The following UGGT1 variants were observed in gnomAD, a reference collection of about 807,000 sequenced individuals.
The protein encoded by UGGT1 is UDP-glucose glycoprotein glucosyltransferase 1.
In UGGT1, 107 loss-of-function variants were observed where a neutral mutation model predicts 203.9. The ratio of observed to expected loss-of-function variants is 0.52; its 90% CI spans 0.45 to 0.62. UGGT1 has a LOEUF of 0.62. Among genes scored for constraint, UGGT1 ranks in the 20% least tolerant of loss-of-function variants. The pLI is 0.00. For missense variants in UGGT1, 1,673 were observed against 1,867.2 expected (o/e 0.90, Z 1.92); for synonymous variants, 628 against 653.5 (o/e 0.96, Z 0.59).
At chr2:128,145,381 A>G (rs1199480447) in intron 17 of UGGT1, among the ~76,000 whole-genome samples, 1 of 152,212 alleles carries the variant, frequency 6.6e-6, no homozygotes. Flanking sequence ...TGACTACTGC[A>G]TTGGACAGCA....
At chr2:128,134,128 C>G (rs901726843) in intron 14 of UGGT1, among the ~76,000 whole-genome samples, 6 of 152,186 alleles carry the variant, frequency 3.9e-5, no homozygotes, top group Admixed American at 1.3e-4. Context: ...CCTCTGCCCC[C>G]TGGGGTTCAA....
chr2:128,107,954 C>T lies in UGGT1; in HGVS notation c.294C>T (p.Tyr98=). The T allele has an allele frequency of 6.2e-7, 1 of 1,614,188 alleles. No individual in the cohort carries two copies. The highest frequency in any genetic ancestry group is 8.5e-7 in the Non-Finnish European group (1 of 1,180,030). ...SSDHDGTDYS[Y]YHAILEAAFQ... is the part of the protein sequence containing the mutation. ...CCTTGACAGGTACCGATTATTCCTA[C>T]TATCATGCAATATTGGAGGCTGCAT... Residue 98 remains tyrosine, a synonymous_variant, in exon 4 of 41, where the codon TAC becomes TAT. Coordinates refer to ENST00000259253, the MANE Select transcript of UGGT1 (RefSeq NM_020120.4).
intron 5 of UGGT1, among the ~76,000 whole-genome samples, chr2:128,110,850 C>T (rs1052767928): frequency 6.6e-6 from 1 of 152,230 alleles, no homozygotes; most frequent in Admixed American, 6.5e-5. Context: ...TGGTAATTTA[C>T]CTCTTACCGA....
In UGGT1 at chr2:128,161,248, G is replaced by A. The variant is rs1424972846; in HGVS notation, c.2805G>A (p.Gln935=). The A allele has an allele frequency of 1.7e-5, 28 of 1,613,654 alleles. No homozygotes were observed. The Admixed American group carries it at 4.7e-4, about 27-fold the overall frequency. Residue 935 remains glutamine, a synonymous_variant, in exon 25 of 41, where the codon CAG becomes CAA. Transcript: ENST00000259253. The part of the protein sequence containing the change: ...SGQKIKSHIQ[Q]LRVEEDVASD... ...AGAAAATAAAATCTCATATTCAACA[G>A]CTTCGGGTAGAAGAAGATGTGTAAG...
At chr2:128,160,217 A>G (rs1266584281) in intron 23 of UGGT1, among the ~76,000 whole-genome samples, 1 of 152,232 alleles carries the variant, frequency 6.6e-6, no homozygotes, top group Non-Finnish European at 1.5e-5. Context: ...AATGCAGAGT[A>G]AAGGAATGAT....
At position 128,190,309 on chromosome 2, in the gene UGGT1, T is replaced by C. The variant is rs1354716358; in HGVS notation, c.*567T>C. 6.6e-6 allele frequency: 1 copy of C among 152,428 alleles called. No homozygotes were observed. Among genetic ancestry groups the C allele is most frequent in the Non-Finnish European group, 1.5e-5 (1 of 68,240 alleles). The allele number at this position is 152,428 out of a possible 1,614,324, so 9.4% of individuals were successfully genotyped here. On this transcript the variant is annotated 3_prime_UTR_variant, in exon 41 of 41. Coordinates refer to ENST00000259253, the MANE Select transcript of UGGT1 (RefSeq NM_020120.4). The stretch of plus-strand genomic sequence containing the variant: ...TTGAAATCCAACCAACAATTGTGTG[T>C]CAAGGCTGGTTTGGTGCAGTGGCTG...
chr2:128,171,266 C>G lies in UGGT1; in HGVS notation c.3086C>G (p.Ser1029Cys), dbSNP rs374565408. ...RVFMNCQSKL[S>C]DMPLKSFYRY... ...TTTATGAACTGCCAATCCAAACTTT[C>G]TGACATGCCTTTAAAAAGGTAAAAC... Residue 1029 changes from serine to cysteine, a missense_variant, in exon 28 of 41, where the codon TCT (serine) becomes TGT (cysteine). Ser to Cys is a moderately radical substitution (Grantham distance 112). Transcript: ENST00000259253. 12 of 1,613,262 alleles carry G rather than the reference C, an allele frequency of 7.4e-6. No homozygotes were observed. In the African/African-American group the frequency reaches 1.5e-4, roughly 20 times the overall value.
intron 31 of UGGT1, among the ~76,000 whole-genome samples, chr2:128,175,932 T>C (rs1192563604): frequency 6.6e-6 from 1 of 152,272 alleles, no homozygotes; most frequent in Non-Finnish European, 1.5e-5. Flanking sequence ...GGCATTGCTG[T>C]TGATTAGTAG....
Position 128,159,544 on chromosome 2 carries a change from A to G in UGGT1, c.2386A>G (p.Ile796Val). The G allele has an allele frequency of 6.2e-7, 1 of 1,614,218 alleles. No homozygotes were observed. Among genetic ancestry groups the G allele is most frequent in the Non-Finnish European group, 8.5e-7 (1 of 1,180,038 alleles). ...KSSNNVRISM[I>V]NNPAKEISYE... Reference sequence around the variant, plus strand: ...CAGTAACAATGTTAGAATAAGCATGATCAATAATCCTGCCAAAGAGATAAG... The same window carrying G: ...CAGTAACAATGTTAGAATAAGCATGGTCAATAATCCTGCCAAAGAGATAAG... The change falls in exon 23 of 41, where the codon ATC (isoleucine) becomes GTC (valine). Residue 796 changes from isoleucine (I) to valine (V), a missense_variant. Transcript: ENST00000259253.
At chr2:128,157,716 A>C (rs1353325902) in intron 22 of UGGT1, among the ~76,000 whole-genome samples, 3 of 152,218 alleles carry the variant, frequency 2.0e-5, no homozygotes, top group Non-Finnish European at 2.9e-5. Flanking sequence ...ACATGGGGGC[A>C]GTAGCACACA....
At chr2:128,125,334 T>TG in intron 11 of UGGT1, among the ~76,000 whole-genome samples, 1 of 152,158 alleles carries the variant, frequency 6.6e-6, no homozygotes, top group South Asian at 2.1e-4. Context: ...GTTGGGGGGC[T>TG]GGGGGGTTTT....
intron 26 of UGGT1, 21 bp downstream of exon 26, chr2:128,164,846 T>G (rs565331276): frequency 1.3e-6 from 2 of 1,553,090 alleles, no homozygotes; most frequent in Non-Finnish European, 1.7e-6. Context: ...AATGTTGAAT[T>G]TGTGCATATT....
At chr2:128,092,311 T>A (rs911615826) in intron 1 of UGGT1, among the ~76,000 whole-genome samples, 5 of 142,838 alleles carry the variant, frequency 3.5e-5, no homozygotes, top group African/African-American at 5.0e-5. Flanking sequence ...AAGCTTATTT[T>A]AAAAAAATTC....
chr2:128,125,076 GA>G (rs1318677508), intron 11 of UGGT1, among the ~76,000 whole-genome samples: 1 of 152,156 alleles, frequency 6.6e-6, no homozygotes, highest in Non-Finnish European at 1.5e-5. Context: ...TCAGTCTCCA[GA>G]AAAGGATCCG....
intron 25 of UGGT1, among the ~76,000 whole-genome samples, chr2:128,162,824 CTTGCCTT>C (rs1690592902): frequency 6.6e-6 from 1 of 152,168 alleles, no homozygotes; most frequent in South Asian, 2.1e-4. Context: ...GCCTAGAAGA[CTTGCCTT>C]TTGCCAATGA....
chr2:128,182,909 C>CT (rs372722115), intron 37 of UGGT1, among the ~76,000 whole-genome samples: 42,989 of 114,228 alleles, frequency 0.38, 7,901 homozygotes, highest in South Asian at 0.56. Context: ...TGTAACTTGG[C>CT]TTTTTTTTTT....
At chr2:128,102,616 T>TC (rs1410375565) in intron 2 of UGGT1, among the ~76,000 whole-genome samples, 2 of 152,222 alleles carry the variant, frequency 1.3e-5, no homozygotes, top group Non-Finnish European at 2.9e-5. Flanking sequence ...TTAGGACTGT[T>TC]CCAAGTTTAG....
At chr2:128,178,790 G>T (rs1449227115) in intron 34 of UGGT1, among the ~76,000 whole-genome samples, 2 of 152,188 alleles carry the variant, frequency 1.3e-5, no homozygotes, top group Non-Finnish European at 2.9e-5. Flanking sequence ...TTACAAGGCT[G>T]CAGCCCTTTA....
intron 13 of UGGT1, among the ~76,000 whole-genome samples, chr2:128,131,772 C>G (rs918588532): frequency 6.6e-6 from 1 of 151,998 alleles, no homozygotes; most frequent in African/African-American, 2.4e-5. Flanking sequence ...GGACTACAGG[C>G]GCACACCACC....
Sources: gnomAD v4.1 joint callset for allele counts (sites outside exome capture counted in the v4.1 genomes callset) on GRCh38, gnomAD v4.1.1 for gene constraint, MANE v1.5 for transcripts, NCBI Gene and HGNC (gene_info 2026-07-23, HGNC 2026-07-21) for gene names.